CYFIP1: variants seen among roughly 807,000 people sequenced by gnomAD.
CYFIP1 encodes the protein cytoplasmic FMR1-interacting protein 1.
Under a neutral mutation model 163.5 loss-of-function variants are expected in CYFIP1, and 58 were observed. That is an observed-to-expected ratio of 0.35 (90% CI 0.29 to 0.44). The LOEUF is 0.44. Ranked by LOEUF, CYFIP1 falls within the 20% of genes least tolerant of loss-of-function variation. The pLI is 1.00. For missense variants in CYFIP1, 1,338 were observed against 1,653.8 expected (o/e 0.81, Z 3.31); for synonymous variants, 663 against 660.7 (o/e 1.00, Z -0.05).
chr15:22,964,943 C>A (rs1011383256), intron 1 of CYFIP1, among the ~76,000 whole-genome samples: 1 of 152,006 alleles, frequency 6.6e-6, no homozygotes, highest in Non-Finnish European at 1.5e-5. Flanking sequence ...TCTTTCTGGG[C>A]CTGGCTTATT....
Position 22,910,834 on chromosome 15 carries a change from C to T in CYFIP1, c.2083-21G>A, listed in dbSNP as rs751999011. ...TTCACCTGAAGAAAAAGAAAGCACA[C>T]GTTACAGTTTGATTCCCTAAAGCAA... On this transcript the variant is annotated intron_variant, in intron 18 of 30. Coordinates refer to ENST00000617928, the MANE Select transcript of CYFIP1 (RefSeq NM_014608.6). The T allele has an allele frequency of 5.6e-6, 9 of 1,602,000 alleles. No individual in the cohort carries two copies. The Admixed American group carries it at 1.0e-4, about 18-fold the overall frequency.
chr15:22,898,414 T>C (rs1227022101), intron 22 of CYFIP1, among the ~76,000 whole-genome samples: 2 of 152,112 alleles, frequency 1.3e-5, no homozygotes, highest in African/African-American at 4.8e-5. Flanking sequence ...TGTGCCACCA[T>C]GCTCGGCTAA....
chr15:22,921,764 C>CAAAAA (rs35027433), intron 13 of CYFIP1, among the ~76,000 whole-genome samples: 5 of 58,134 alleles, frequency 8.6e-5, no homozygotes, highest in Non-Finnish European at 1.7e-4. Flanking sequence ...GACTCTGTCT[C>CAAAAA]AAAAAAAAAA....
At position 22,910,644 on chromosome 15, in the gene CYFIP1, G is replaced by A. The variant is rs371362596; in HGVS notation, c.2160-16C>T. The A allele has an allele frequency of 1.2e-6, 2 of 1,611,974 alleles. No homozygotes were observed. The highest frequency in any genetic ancestry group is 8.5e-7 in the Non-Finnish European group (1 of 1,178,054). On this transcript the variant is annotated splice_polypyrimidine_tract_variant and intron_variant, in intron 19 of 30. Coordinates refer to ENST00000617928, the MANE Select transcript of CYFIP1 (RefSeq NM_014608.6). Reference sequence around the variant, plus strand: ...AAGAAGCAAACTAGTGTAGAAGGAAGACAGAAAGTTTTTCATACGCCATAA... The same window carrying A: ...AAGAAGCAAACTAGTGTAGAAGGAAAACAGAAAGTTTTTCATACGCCATAA...
intron 21 of CYFIP1, chr15:22,905,103 C>T (rs1347370796): frequency 6.6e-6 from 1 of 152,176 alleles, no homozygotes; most frequent in Non-Finnish European, 1.5e-5. Flanking sequence ...CCTGCTCAGA[C>T]AGCCCAAGGA....
rs991650173 is a variant in CYFIP1, at chr15:22,867,623, G to T, written c.*2405C>A. ...GTACTTTTCAGTATATTTTCATAAT[G>T]AGTTATATTGTCATTTAGACTTTGA... On this transcript the variant is annotated 3_prime_UTR_variant, in exon 31 of 31. Coordinates refer to ENST00000617928, the MANE Select transcript of CYFIP1 (RefSeq NM_014608.6). The T allele has an allele frequency of 1.3e-5, 2 of 158,814 alleles. No individual in the cohort carries two copies. Among genetic ancestry groups the T allele is most frequent in the African/African-American group, 4.8e-5 (2 of 41,712 alleles). The allele number at this position is 158,814 out of a possible 1,614,324, so 9.8% of individuals were successfully genotyped here.
In CYFIP1 at chr15:22,917,670, C is replaced by T; in HGVS notation, c.1674+118G>A. On this transcript the variant is annotated intron_variant, in intron 15 of 30. Coordinates refer to ENST00000617928, the MANE Select transcript of CYFIP1 (RefSeq NM_014608.6). This position sits in a 1 kb window ranked among gnomAD's most constrained non-coding sequence, Gnocchi z 4.2. ...GCAGAAACCACAGGCGCCACTTTCT[C>T]TGCCTGAGCAGGCAGCGAGGACCTC... 1 of 1,266,534 alleles carries T rather than the reference C, an allele frequency of 7.9e-7. No individual in the cohort carries two copies. The allele number at this position is 1,266,534 out of a possible 1,614,324, so 78.5% of individuals were successfully genotyped here.
At chr15:22,916,414 T>G (rs2060983551) in intron 16 of CYFIP1, 63 bp downstream of exon 16, 2 of 1,289,808 alleles carry the variant, frequency 1.6e-6, no homozygotes, top group Non-Finnish European at 2.2e-6. Flanking sequence ...GCGGAAGCAT[T>G]CTAGACGGTG....
intron 1 of CYFIP1, among the ~76,000 whole-genome samples, chr15:22,978,559 A>G (rs2063361601): frequency 6.6e-6 from 1 of 152,136 alleles, no homozygotes; most frequent in Non-Finnish European, 1.5e-5. Context: ...ACTTATGCAC[A>G]GAAAAGACTA....
chr15:22,888,483 G>C (rs955574257), intron 23 of CYFIP1, among the ~76,000 whole-genome samples: 1 of 152,114 alleles, frequency 6.6e-6, no homozygotes, highest in Non-Finnish European at 1.5e-5. Context: ...CTACATCCCA[G>C]CACTTTGGGA....
rs969795962 is a variant in CYFIP1, at chr15:22,891,361, G to A, written c.2676+1529C>T. Among the ~76,000 whole-genome samples, 5 of 152,300 alleles carry A rather than the reference G, an allele frequency of 3.3e-5. No individual in the cohort carries two copies. The South Asian group carries it at 6.2e-4, about 19-fold the overall frequency. ...GATCACTTGAACCCAGGAGGCGGAG[G>A]CTGCAGTGAGCCGAGATCATGCCAC... On this transcript the variant is annotated intron_variant, in intron 23 of 30. Transcript: ENST00000617928.
At chr15:22,978,582 G>C (rs977120863) in intron 1 of CYFIP1, among the ~76,000 whole-genome samples, 2 of 151,996 alleles carry the variant, frequency 1.3e-5, no homozygotes, top group East Asian at 3.9e-4. Flanking sequence ...ATACTACTTA[G>C]AAGTACCGAG....
chr15:22,928,179 A>C, intron 11 of CYFIP1, 151 bp from the exon 12 acceptor site: 1 of 954,220 alleles, frequency 1.0e-6, no homozygotes, highest in Non-Finnish European at 1.5e-6. Context: ...AGGTCGGGAG[A>C]TCCAGACCAT....
intron 3 of CYFIP1, 98 bp downstream of exon 3, chr15:22,946,905 C>T (rs2062081697): frequency 2.0e-6 from 2 of 1,003,772 alleles, no homozygotes; most frequent in Admixed American, 1.8e-5. Flanking sequence ...TCTTTTTCCT[C>T]ACTGCATAGT....
At chr15:22,872,488 C>T in intron 30 of CYFIP1, 1 of 253,014 alleles carries the variant, frequency 4.0e-6, no homozygotes, top group Non-Finnish European at 7.7e-6. Flanking sequence ...ATCCATAAAG[C>T]AACAAAGACA....
At position 22,867,150 on chromosome 15, in the gene CYFIP1, T is replaced by TTTA. The variant is rs1440128371; in HGVS notation, c.*2875_*2877dup. ...GACAGTTTTAAGTCTATGAAAATGC[T>TTTA]TTATTTTTTCATTGGTGATGAAAGT... On this transcript the variant is annotated 3_prime_UTR_variant, in exon 31 of 31. Coordinates refer to ENST00000617928, the MANE Select transcript of CYFIP1 (RefSeq NM_014608.6). 2.2e-5 allele frequency: 10 copies of TTTA among 448,270 alleles called. No homozygotes were observed. Among genetic ancestry groups the TTTA allele is most frequent in the East Asian group, 2.0e-4 (6 of 29,996 alleles). The allele number at this position is 448,270 out of a possible 1,614,324, so 27.8% of individuals were successfully genotyped here.
chr15:22,915,676 GA>G (rs2060950610), intron 16 of CYFIP1, among the ~76,000 whole-genome samples: 1 of 152,186 alleles, frequency 6.6e-6, no homozygotes, highest in African/African-American at 2.4e-5. Context: ...TTGAACCTGG[GA>G]GGCGGAGCTT....
At position 22,875,257 on chromosome 15, in the gene CYFIP1, C is replaced by T. The variant is rs114042648; in HGVS notation, c.3057G>A (p.Val1019=). Residue 1019 remains valine (V), a synonymous_variant, in exon 27 of 31, where the codon GTG becomes GTA. Transcript: ENST00000617928. ...LIEQSLSLEE[V]CDLLHAAPFQ... ...AAGGAGCCGCGTGCAGCAGGTCACA[C>T]ACTTCTTCTAAAGACTAGAGCAGAG... The T allele has an allele frequency of 2.7e-4, 430 of 1,614,100 alleles. 5 individuals carry two copies. The African/African-American group carries it at 3.8e-3, about 14-fold the overall frequency.
In CYFIP1 at chr15:22,867,564, C is replaced by T. The variant is rs2059193917; in HGVS notation, c.*2464G>A. The T allele has an allele frequency of 4.9e-6, 1 of 205,774 alleles. No individual in the cohort carries two copies. Among genetic ancestry groups the T allele is most frequent in the Non-Finnish European group, 9.6e-6 (1 of 104,340 alleles). The allele number at this position is 205,774 out of a possible 1,614,324, so 12.7% of individuals were successfully genotyped here. A position where few individuals can be genotyped will look rare whatever the true frequency, so the allele number is the denominator to read the frequency against. On this transcript the variant is annotated 3_prime_UTR_variant, in exon 31 of 31. Coordinates refer to ENST00000617928, the MANE Select transcript of CYFIP1 (RefSeq NM_014608.6). ...TTCAGTTACCCTAATCCCATGATGC[C>T]TGGAACCTTGATTACCGTTTTACAT...
Sources: allele counts gnomAD v4.1 joint callset (sites outside exome capture counted in the v4.1 genomes callset), GRCh38; gene constraint gnomAD v4.1.1; non-coding constraint Gnocchi (gnomAD v3.1); transcripts MANE v1.5; gene names NCBI Gene and HGNC (gene_info 2026-07-23, HGNC 2026-07-21).